Variants in ARID1B observed in about 807,000 individuals in gnomAD.
ARID1B encodes AT-rich interaction domain 1B.
ARID1B carries 30 observed loss-of-function variants against 212.3 expected under a neutral mutation model. That is an observed-to-expected ratio of 0.14 (90% confidence interval 0.11 to 0.19). The LOEUF (loss-of-function observed/expected upper bound fraction) is 0.19. Ranked by LOEUF, ARID1B falls within the 10% of genes least tolerant of loss-of-function variation. The probability of loss-of-function intolerance (pLI) is 1.00; values close to 1 mark genes in which losing one functional copy is unlikely to be tolerated. For missense variants in ARID1B, 2,891 were observed against 3,204.0 expected (o/e 0.90, Z 2.36); for synonymous variants, 1,402 against 1,301.7 (o/e 1.08, Z -1.66).
chr6:156,779,586 C>A (rs1207993494), intron 1 of ARID1B, 115 bp downstream of exon 1: 14 of 1,082,872 alleles, frequency 1.3e-5, no homozygotes, highest in Non-Finnish European at 1.6e-5. Flanking sequence ...GCGGCGGGGG[C>A]GCGGCGCCCA....
intron 4 of ARID1B, among the ~76,000 whole-genome samples, chr6:157,059,775 C>G (rs1783223087): frequency 6.6e-6 from 1 of 152,186 alleles, no homozygotes; most frequent in Admixed American, 6.5e-5. Flanking sequence ...AGAGAGCAAG[C>G]TTTCCTGAAT....
chr6:157,175,195 C>T (rs1792018854), intron 11 of ARID1B, 190 bp downstream of exon 11: 5 of 448,690 alleles, frequency 1.1e-5, no homozygotes, highest in Non-Finnish European at 1.7e-5. Context: ...AGTTTGCGTG[C>T]ATCAAAGAAG....
chr6:156,793,813 A>C (rs774137172), intron 1 of ARID1B, among the ~76,000 whole-genome samples: 5 of 152,254 alleles, frequency 3.3e-5, no homozygotes, highest in Non-Finnish European at 7.3e-5. Flanking sequence ...AGAGCCATAA[A>C]TAACAGTGCT....
At chr6:156,822,407 G>A (rs943513264) in intron 1 of ARID1B, among the ~76,000 whole-genome samples, 1 of 152,224 alleles carries the variant, frequency 6.6e-6, no homozygotes, top group Non-Finnish European at 1.5e-5. Context: ...GACCAGAGAT[G>A]GGACTGTGGA....
chr6:156,899,954 T>A (rs1044749861), intron 2 of ARID1B, among the ~76,000 whole-genome samples: 2 of 152,214 alleles, frequency 1.3e-5, no homozygotes, highest in African/African-American at 4.8e-5. Flanking sequence ...ATCAAACATA[T>A]GGGTGTTGAA....
At chr6:156,950,170 A>C (rs539828101) in intron 4 of ARID1B, among the ~76,000 whole-genome samples, 1 of 152,240 alleles carries the variant, frequency 6.6e-6, no homozygotes, top group East Asian at 1.9e-4. Flanking sequence ...TCATGGTATT[A>C]CTAGTGAGTA....
At chr6:156,994,567 G>C (rs975352287) in intron 4 of ARID1B, among the ~76,000 whole-genome samples, 1 of 152,016 alleles carries the variant, frequency 6.6e-6, no homozygotes, top group Non-Finnish European at 1.5e-5. Flanking sequence ...TGGATAATCA[G>C]AGGCAGCTTA....
At chr6:157,132,889 T>C in intron 6 of ARID1B, 139 bp from the exon 7 acceptor site, 1 of 927,030 alleles carries the variant, frequency 1.1e-6, no homozygotes, top group Non-Finnish European at 1.6e-6. Context: ...AACTGAGATG[T>C]CTTTAGCTAT....
chr6:156,905,582 T>C (rs1789309706), intron 3 of ARID1B, among the ~76,000 whole-genome samples: 1 of 152,232 alleles, frequency 6.6e-6, no homozygotes, highest in Admixed American at 6.5e-5. Flanking sequence ...GCAGCTACCT[T>C]TCCCTGATGC....
Position 156,777,527 on chromosome 6 carries a change from C to G in ARID1B, c.-154C>G, listed in dbSNP as rs1344048078. ...GAGCAGGCCCAGAGCGTAAGGCGTG[C>G]CCGGCCCGGCGCTCCGGCGGGGCCT... is the stretch of plus-strand genomic sequence containing the variant. On this transcript the variant is annotated 5_prime_UTR_variant, in exon 1 of 20. Transcript: ENST00000636930. 6.6e-6 allele frequency: 1 copy of G among 151,394 alleles called. No homozygotes were observed. 9.4% of individuals were successfully genotyped at this position (151,394 alleles called of 1,614,324 possible). A position where few individuals can be genotyped will look rare whatever the true frequency, so the allele number is the denominator to read the frequency against.
At chr6:157,007,864 G>A (rs1225283307) in intron 4 of ARID1B, among the ~76,000 whole-genome samples, 2 of 151,950 alleles carry the variant, frequency 1.3e-5, no homozygotes, top group East Asian at 3.9e-4. Flanking sequence ...TTTTAGTAGA[G>A]ACGGGGTTTC....
At chr6:157,029,695 A>C (rs1193080743) in intron 4 of ARID1B, among the ~76,000 whole-genome samples, 1 of 152,240 alleles carries the variant, frequency 6.6e-6, no homozygotes, top group Admixed American at 6.5e-5. Flanking sequence ...AAAGGCCCTC[A>C]GGTGAACAGT....
At chr6:157,040,329 T>C (rs947165693) in intron 4 of ARID1B, among the ~76,000 whole-genome samples, 4 of 152,212 alleles carry the variant, frequency 2.6e-5, no homozygotes, top group African/African-American at 9.6e-5. Flanking sequence ...TTGTAAGCAC[T>C]GGGAAAGGTA....
At chr6:156,930,377 T>C (rs1168883587) in intron 3 of ARID1B, among the ~76,000 whole-genome samples, 1 of 152,200 alleles carries the variant, frequency 6.6e-6, no homozygotes, top group Non-Finnish European at 1.5e-5. Flanking sequence ...TCCACCATGA[T>C]TGGAAGCTTC....
intron 4 of ARID1B, among the ~76,000 whole-genome samples, chr6:156,963,404 C>A (rs1013601855): frequency 2.6e-5 from 4 of 152,048 alleles, no homozygotes; most frequent in Non-Finnish European, 5.9e-5. Flanking sequence ...GAAGAACAGT[C>A]GTATTCTATG....
At chr6:156,988,887 C>T (rs1002550847) in intron 4 of ARID1B, among the ~76,000 whole-genome samples, 7 of 152,202 alleles carry the variant, frequency 4.6e-5, no homozygotes, top group African/African-American at 1.7e-4. Flanking sequence ...GTATTCATGA[C>T]AGTTGCATAT....
intron 4 of ARID1B, among the ~76,000 whole-genome samples, chr6:157,062,192 T>C (rs375594323): frequency 6.6e-6 from 1 of 151,882 alleles, no homozygotes; most frequent in Non-Finnish European, 1.5e-5. Flanking sequence ...CTGTTTCTCC[T>C]TTTGTTTTGT....
intron 8 of ARID1B, among the ~76,000 whole-genome samples, chr6:157,162,587 G>T (rs564411452): frequency 1.3e-5 from 2 of 152,156 alleles, no homozygotes; most frequent in African/African-American, 4.8e-5. Context: ...TAATAACCTG[G>T]CTTTGCTTAT....
intron 2 of ARID1B, among the ~76,000 whole-genome samples, chr6:156,834,711 A>G (rs1029292235): frequency 6.6e-6 from 1 of 152,222 alleles, no homozygotes; most frequent in Non-Finnish European, 1.5e-5. Context: ...TTGCTTGTAC[A>G]CCTGAAATGT....
Sources: gnomAD v4.1 joint callset for allele counts (sites outside exome capture counted in the v4.1 genomes callset) on GRCh38, gnomAD v4.1.1 for gene constraint, MANE v1.5 for transcripts, NCBI Gene and HGNC (gene_info 2026-07-23, HGNC 2026-07-21) for gene names.